Variants in PTK2 observed in about 807,000 individuals in gnomAD.
The protein encoded by PTK2 is protein tyrosine kinase 2.
Under a neutral mutation model 150.1 loss-of-function variants are expected in PTK2, and 45 were observed. The ratio of observed to expected loss-of-function variants is 0.30; its 90% confidence interval spans 0.24 to 0.38. The LOEUF is 0.38. Ranked by LOEUF, PTK2 falls within the 10% of genes least tolerant of loss-of-function variation. The pLI is 1.00. For synonymous variants in PTK2, 432 were observed against 449.2 expected (o/e 0.96, Z 0.48); for missense variants, 919 against 1,307.3 (o/e 0.70, Z 4.58).
intron 1 of PTK2, among the ~76,000 whole-genome samples, chr8:140,937,803 G>A (rs757099228): frequency 1.3e-5 from 2 of 152,022 alleles, no homozygotes; most frequent in Non-Finnish European, 1.5e-5. Context: ...TGATTCAGTT[G>A]GACATAGTGG....
chr8:140,857,820 C>T (rs1258416122), intron 5 of PTK2, among the ~76,000 whole-genome samples: 1 of 152,122 alleles, frequency 6.6e-6, no homozygotes, highest in Non-Finnish European at 1.5e-5. Flanking sequence ...CAAATACAAA[C>T]CTTTAGAGGA....
intron 23 of PTK2, among the ~76,000 whole-genome samples, chr8:140,711,964 T>C (rs1174825337): frequency 6.6e-6 from 1 of 152,214 alleles, no homozygotes. Flanking sequence ...AAAATCATTT[T>C]TTATATAAAT....
At chr8:140,669,301 G>GTATGTGTGTATATA (rs547959878) in intron 29 of PTK2, 1 of 97,984 alleles carries the variant, frequency 1.0e-5, no homozygotes, top group African/African-American at 4.7e-5. Flanking sequence ...GCATAAAATG[G>GTATGTGTGTATATA]TATATATATA....
intron 1 of PTK2, among the ~76,000 whole-genome samples, chr8:140,952,823 T>A (rs2100179956): frequency 6.6e-6 from 1 of 152,204 alleles, no homozygotes; most frequent in Non-Finnish European, 1.5e-5. Flanking sequence ...ATTGTACGAT[T>A]TCTAAACTGT....
chr8:140,983,791 T>TTGAAAACTGGCA (rs2100192329), intron 1 of PTK2: 1 of 152,174 alleles, frequency 6.6e-6, no homozygotes, highest in African/African-American at 2.4e-5. Context: ...ACTCAGCACT[T>TTGAAAACTGGCA]TGAAAACTGG....
At chr8:140,886,452 CAG>C (rs1290851599) in intron 3 of PTK2, among the ~76,000 whole-genome samples, 2 of 152,012 alleles carry the variant, frequency 1.3e-5, no homozygotes, top group Non-Finnish European at 1.5e-5. Flanking sequence ...AGGATGGCGA[CAG>C]GTGGAGAATA....
At chr8:140,744,592 C>A in intron 19 of PTK2, 60 bp downstream of exon 22, 1 of 1,121,542 alleles carries the variant, frequency 8.9e-7, no homozygotes. Flanking sequence ...CAAATGGGTC[C>A]CTGTTTCTTG....
At chr8:140,865,987 G>A (rs2154606082) in intron 4 of PTK2, among the ~76,000 whole-genome samples, 1 of 152,206 alleles carries the variant, frequency 6.6e-6, no homozygotes, top group Non-Finnish European at 1.5e-5. Flanking sequence ...GTTTTGCCAT[G>A]TTGCCCAGTC....
intron 1 of PTK2, among the ~76,000 whole-genome samples, chr8:140,949,427 C>A (rs1242524565): frequency 3.3e-5 from 5 of 152,184 alleles, no homozygotes; most frequent in Non-Finnish European, 7.3e-5. Context: ...ACAGCTGCAG[C>A]CTCCTAGCCT....
intron 1 of PTK2, among the ~76,000 whole-genome samples, chr8:140,972,454 G>A (rs940530424): frequency 8.6e-5 from 13 of 152,044 alleles, no homozygotes; most frequent in South Asian, 2.1e-4. Context: ...TAGCAGAAAC[G>A]GGGTTTCACC....
intron 1 of PTK2, among the ~76,000 whole-genome samples, chr8:140,981,096 GA>G (rs781163891): frequency 7.5e-4 from 88 of 118,010 alleles, no homozygotes; most frequent in Admixed American, 1.9e-3. Context: ...TCCTGCTCTG[GA>G]AAAAAAAAAA....
At chr8:140,999,083 C>G (rs1187928725) in intron 1 of PTK2, among the ~76,000 whole-genome samples, 1 of 152,200 alleles carries the variant, frequency 6.6e-6, no homozygotes, top group Non-Finnish European at 1.5e-5. Context: ...CTTCCAGCCT[C>G]AAATAATAAG....
intron 8 of PTK2, 60 bp from the exon 9 acceptor site, chr8:140,819,080 A>G (rs2100106603): frequency 1.3e-6 from 2 of 1,537,388 alleles, no homozygotes; most frequent in African/African-American, 1.4e-5. Flanking sequence ...AGACCACAAC[A>G]ATAATGGTAA....
At chr8:140,770,776 CTT>C in intron 14 of PTK2, 1 of 1,344,178 alleles carries the variant, frequency 7.4e-7, no homozygotes, top group Non-Finnish European at 9.8e-7. Flanking sequence ...GCTTTCTTAA[CTT>C]TATGTTGGCA....
At position 140,982,421 on chromosome 8, in the gene PTK2, A is replaced by AC. The variant is rs531518205; in HGVS notation, c.-122+18703dup. Reference sequence around the variant, plus strand: ...AGACCAGCCTGACCAACATGGTGAAACCCCATCTCTACTAAAAATACAGAA... The same window carrying AC: ...AGACCAGCCTGACCAACATGGTGAAACCCCCATCTCTACTAAAAATACAGAA... On this transcript the variant is annotated intron_variant, in intron 1 of 31. Coordinates refer to ENST00000522684, the Ensembl canonical transcript of PTK2. Among the ~76,000 whole-genome samples the AC allele has an allele frequency of 5.3e-3, 801 of 152,284 alleles. 4 individuals carry two copies. The highest frequency in any genetic ancestry group is 7.5e-3 in the Admixed American group (115 of 15,298).
intron 1 of PTK2, among the ~76,000 whole-genome samples, chr8:140,939,357 C>T (rs1261815409): frequency 6.6e-6 from 1 of 152,178 alleles, no homozygotes; most frequent in East Asian, 1.9e-4. Flanking sequence ...ACATCTATCA[C>T]TGCTATTGAT....
intron 26 of PTK2, among the ~76,000 whole-genome samples, chr8:140,699,712 A>G (rs780898071): frequency 6.6e-6 from 1 of 152,230 alleles, no homozygotes; most frequent in Non-Finnish European, 1.5e-5. Flanking sequence ...AACCAAACAA[A>G]TGCTCATATT....
intron 1 of PTK2, among the ~76,000 whole-genome samples, chr8:140,970,958 A>G (rs948108783): frequency 1.3e-5 from 2 of 152,214 alleles, no homozygotes; most frequent in Non-Finnish European, 2.9e-5. Context: ...CAGTTGCTCA[A>G]AGAGTTGAGG....
At chr8:140,677,405 A>C (rs1182089333) in intron 27 of PTK2, among the ~76,000 whole-genome samples, 1 of 152,236 alleles carries the variant, frequency 6.6e-6, no homozygotes, top group Non-Finnish European at 1.5e-5. Context: ...ATAAAGTTTC[A>C]CTTAACACCA....
Sources: gnomAD v4.1 joint callset for allele counts (sites outside exome capture counted in the v4.1 genomes callset) on GRCh38, gnomAD v4.1.1 for gene constraint, MANE v1.5 for transcripts, NCBI Gene and HGNC (gene_info 2026-07-23, HGNC 2026-07-21) for gene names.